Variants in NRXN3 observed in about 807,000 individuals in gnomAD.
NRXN3 encodes the protein neurexin III.
A neutral mutation model predicts 137.6 loss-of-function variants in NRXN3; 32 were observed. The ratio of observed to expected loss-of-function variants is 0.23; its 90% confidence interval spans 0.18 to 0.31. The LOEUF (loss-of-function observed/expected upper bound fraction) is 0.31. NRXN3 is among the 10% of genes least tolerant of loss of function. The probability of loss-of-function intolerance (pLI) is 1.00; values close to 1 mark genes in which losing one functional copy is unlikely to be tolerated. For synonymous variants in NRXN3, 798 were observed against 784.5 expected (o/e 1.02, Z -0.29); for missense variants, 1,574 against 2,062.5 (o/e 0.76, Z 4.59).
chr14:79,864,327 T>C lies in NRXN3; in HGVS notation c.*2363T>C, dbSNP rs1488703042. On this transcript the variant is annotated 3_prime_UTR_variant, in exon 21 of 21. Transcript: ENST00000335750. ...CCTAAAGGAATTTATTTAATGATGT[T>C]GTGACATTACTGCTTTTTCTTTTTT... is the stretch of plus-strand genomic sequence containing the variant. 2.0e-5 allele frequency: 3 copies of C among 152,686 alleles called. No homozygotes were observed. Among genetic ancestry groups the C allele is most frequent in the Non-Finnish European group, 2.9e-5 (2 of 68,048 alleles). The allele number at this position is 152,686 out of a possible 1,614,324, so 9.5% of individuals were successfully genotyped here. A position where few individuals can be genotyped will look rare whatever the true frequency, so the allele number is the denominator to read the frequency against.
At chr14:78,740,844 T>G (rs937748718) in intron 8 of NRXN3, among the ~76,000 whole-genome samples, 5 of 152,240 alleles carry the variant, frequency 3.3e-5, no homozygotes, top group African/African-American at 1.2e-4. Flanking sequence ...TTTTTTTCTT[T>G]TGGTTAGCTC....
intron 15 of NRXN3, chr14:79,314,016 G>T (rs975359291): frequency 3.7e-4 from 56 of 151,850 alleles, no homozygotes; most frequent in African/African-American, 1.3e-3. Flanking sequence ...GGCGCTCTGC[G>T]TTTTAGAGTT....
intron 15 of NRXN3, among the ~76,000 whole-genome samples, chr14:79,411,206 T>A (rs896734640): frequency 5.3e-5 from 8 of 152,070 alleles, no homozygotes; most frequent in African/African-American, 1.9e-4. Flanking sequence ...TGGTACAATG[T>A]TGTTCAATAT....
chr14:79,023,970 A>G (rs746889362), intron 15 of NRXN3, among the ~76,000 whole-genome samples: 5 of 152,140 alleles, frequency 3.3e-5, no homozygotes, highest in African/African-American at 4.8e-5. Context: ...TCAAGTGGCT[A>G]TGTTCCTTTT....
chr14:78,942,871 C>T (rs999496528), intron 10 of NRXN3, among the ~76,000 whole-genome samples: 1 of 151,818 alleles, frequency 6.6e-6, no homozygotes, highest in Non-Finnish European at 1.5e-5. Context: ...TCACTATGTA[C>T]CCTGTAAAAA....
At chr14:78,248,700 T>G (rs909619674) in intron 2 of NRXN3, among the ~76,000 whole-genome samples, 5 of 152,110 alleles carry the variant, frequency 3.3e-5, no homozygotes. Context: ...CTGTGTCAGC[T>G]CTGAATGGCT....
chr14:79,452,353 C>T (rs1197559785), intron 15 of NRXN3, among the ~76,000 whole-genome samples: 1 of 152,174 alleles, frequency 6.6e-6, no homozygotes, highest in East Asian at 1.9e-4. Flanking sequence ...TGTCTGAATA[C>T]ATCCATCATA....
intron 5 of NRXN3, among the ~76,000 whole-genome samples, chr14:78,646,156 C>T (rs951142808): frequency 2.6e-5 from 4 of 152,172 alleles, no homozygotes; most frequent in East Asian, 1.9e-4. Context: ...GAACTCCCAT[C>T]GCTTGCCGAT....
At chr14:79,272,287 C>G (rs112369388) in intron 15 of NRXN3, among the ~76,000 whole-genome samples, 8 of 149,752 alleles carry the variant, frequency 5.3e-5, no homozygotes, top group African/African-American at 2.0e-4. Context: ...ATTATTTGAC[C>G]TGCTGGACTT....
chr14:78,528,848 T>A (rs1306244511), intron 4 of NRXN3, among the ~76,000 whole-genome samples: 1 of 152,178 alleles, frequency 6.6e-6, no homozygotes, highest in African/African-American at 2.4e-5. Flanking sequence ...GCATTAAAAA[T>A]TCTGTATCTA....
At chr14:78,170,709 A>AT (rs2058639248) in intron 1 of NRXN3, 35 bp downstream of exon 1, 1 of 152,288 alleles carries the variant, frequency 6.6e-6, no homozygotes, top group African/African-American at 2.4e-5. Flanking sequence ...CAGTCAGGGC[A>AT]TGAAACAACT....
intron 1 of NRXN3, among the ~76,000 whole-genome samples, chr14:78,176,040 A>G (rs2059234498): frequency 6.6e-6 from 1 of 152,200 alleles, no homozygotes; most frequent in African/African-American, 2.4e-5. Context: ...TAGGTGCTCA[A>G]CAAATGTTTG....
At chr14:79,607,310 C>G (rs986054405) in intron 16 of NRXN3, among the ~76,000 whole-genome samples, 1 of 152,174 alleles carries the variant, frequency 6.6e-6, no homozygotes, top group African/African-American at 2.4e-5. Flanking sequence ...AGGTGTTAAA[C>G]AGAACCTTTC....
At chr14:78,194,782 C>G (rs2061075521) in intron 1 of NRXN3, among the ~76,000 whole-genome samples, 1 of 152,200 alleles carries the variant, frequency 6.6e-6, no homozygotes, top group Non-Finnish European at 1.5e-5. Flanking sequence ...ATATCTCAGT[C>G]TTGGTCCTGG....
At chr14:79,048,896 G>A (rs1228070545) in intron 15 of NRXN3, among the ~76,000 whole-genome samples, 2 of 148,060 alleles carry the variant, frequency 1.4e-5, no homozygotes, top group East Asian at 3.9e-4. Context: ...GGTGGCGCGT[G>A]CCTGTAGTCC....
At chr14:78,436,309 T>G (rs2094064033) in intron 4 of NRXN3, among the ~76,000 whole-genome samples, 1 of 152,250 alleles carries the variant, frequency 6.6e-6, no homozygotes, top group African/African-American at 2.4e-5. Flanking sequence ...ACATACATTT[T>G]TATGTCACCT....
At chr14:78,282,435 C>G (rs1005254258) in intron 3 of NRXN3, 4 of 270,620 alleles carry the variant, frequency 1.5e-5, no homozygotes, top group African/African-American at 6.6e-5. Flanking sequence ...ATGACAGCCT[C>G]TCTCCTCCGA....
At chr14:79,272,742 C>T (rs182785351) in intron 15 of NRXN3, among the ~76,000 whole-genome samples, 11 of 152,252 alleles carry the variant, frequency 7.2e-5, no homozygotes, top group Admixed American at 5.2e-4. Flanking sequence ...TCATGAGCTT[C>T]GTTGTTTTGG....
chr14:78,882,837 A>G (rs563924364), intron 10 of NRXN3, among the ~76,000 whole-genome samples: 3 of 151,580 alleles, frequency 2.0e-5, no homozygotes, highest in African/African-American at 7.3e-5. Context: ...GGGCAGAATA[A>G]TATGGTTTGG....
Sources: allele counts gnomAD v4.1 joint callset (sites outside exome capture counted in the v4.1 genomes callset), GRCh38; gene constraint gnomAD v4.1.1; transcripts MANE v1.5; gene names NCBI Gene and HGNC (gene_info 2026-07-23, HGNC 2026-07-21).